Variants in HIPK2 observed in about 807,000 individuals in gnomAD.
HIPK2 encodes homeodomain-interacting protein kinase 2.
HIPK2 carries 27 observed loss-of-function variants against 113.7 expected under a neutral mutation model. That is an observed-to-expected ratio of 0.24 (90% CI 0.17 to 0.33). The LOEUF (loss-of-function observed/expected upper bound fraction) is 0.33. Among genes scored for constraint, HIPK2 ranks in the 10% least tolerant of loss-of-function variants. The pLI is 1.00. For synonymous variants in HIPK2, 631 were observed against 642.2 expected (o/e 0.98, Z 0.26); for missense variants, 1,257 against 1,588.0 (o/e 0.79, Z 3.54).
At chr7:139,697,535 T>C (rs1794599171) in intron 2 of HIPK2, among the ~76,000 whole-genome samples, 2 of 152,036 alleles carry the variant, frequency 1.3e-5, no homozygotes, top group African/African-American at 4.8e-5. Context: ...TGAATCTCAG[T>C]TCCTGGTAAA....
chr7:139,775,847 T>C (rs1375330582), intron 1 of HIPK2, among the ~76,000 whole-genome samples: 1 of 152,144 alleles, frequency 6.6e-6, no homozygotes, highest in Non-Finnish European at 1.5e-5. Context: ...GTTCCCAAGA[T>C]GGCTTTCCAC....
At chr7:139,742,377 A>G (rs6963499) in intron 1 of HIPK2, among the ~76,000 whole-genome samples, 9,905 of 152,314 alleles carry the variant, frequency 0.065, 1,067 homozygotes, top group African/African-American at 0.23. Context: ...GCTGGGTTAA[A>G]TCAAATAAAG....
intron 7 of HIPK2, 49 bp downstream of exon 7, chr7:139,620,352 G>A: frequency 1.9e-6 from 3 of 1,607,512 alleles, no homozygotes; most frequent in Non-Finnish European, 2.5e-6. Flanking sequence ...AAGTCCTGAG[G>A]CTCACACTGT....
chr7:139,692,504 T>C (rs1794435999), intron 2 of HIPK2, among the ~76,000 whole-genome samples: 1 of 152,336 alleles, frequency 6.6e-6, no homozygotes. Flanking sequence ...GTTCTTTTCC[T>C]GTGTACAGAG....
At position 139,620,461 on chromosome 7, in the gene HIPK2, G is replaced by A; in HGVS notation, c.1722C>T (p.Pro574=). 6.2e-7 allele frequency: 1 copy of A among 1,614,020 alleles called. No homozygotes were observed. The highest frequency in any genetic ancestry group is 2.2e-5 in the East Asian group (1 of 44,870). ...SKTPFITHVA[P]STSTNLTMTF... Reference sequence around the variant, plus strand: ...TCATGGTCAGGTTGGTGGACGTGCTGGGGGCCACGTGCGTGATGAAAGGGG... The same window carrying A: ...TCATGGTCAGGTTGGTGGACGTGCTAGGGGCCACGTGCGTGATGAAAGGGG... The change falls in exon 7 of 15, where the codon CCC becomes CCT. Residue 574 remains proline (P), a synonymous_variant. Transcript: ENST00000406875.
intron 1 of HIPK2, among the ~76,000 whole-genome samples, chr7:139,747,588 T>TAAA (rs1239401357): frequency 1.3e-5 from 2 of 152,246 alleles, no homozygotes; most frequent in African/African-American, 4.8e-5. Context: ...AGCATCTCTT[T>TAAA]AGTAAAGCAT....
intron 1 of HIPK2, among the ~76,000 whole-genome samples, chr7:139,760,195 G>A (rs1244455686): frequency 1.3e-5 from 2 of 151,900 alleles, no homozygotes; most frequent in African/African-American, 2.4e-5. Flanking sequence ...TAGTAGAGAC[G>A]GTGTTTCACC....
At chr7:139,632,677 G>A (rs1208947995) in intron 2 of HIPK2, among the ~76,000 whole-genome samples, 1 of 152,118 alleles carries the variant, frequency 6.6e-6, no homozygotes, top group Non-Finnish European at 1.5e-5. Flanking sequence ...AGACCACCCA[G>A]GTACATCTTC....
rs140504940 is a variant in HIPK2, at chr7:139,658,872, A to C, written c.1104-27147T>G. ...TAGTCTTTCTCAACCAGGGTTTTCT[A>C]TCTGAACTACAGAGCACAGAAAATG... On this transcript the variant is annotated intron_variant, in intron 2 of 14. Coordinates refer to ENST00000406875, the MANE Select transcript of HIPK2 (RefSeq NM_022740.5). 9.8e-5 allele frequency among the ~76,000 whole-genome samples: 15 copies of C among 152,342 alleles called. No homozygotes were observed. In the East Asian group the frequency reaches 2.9e-3, roughly 29 times the overall value.
intron 1 of HIPK2, among the ~76,000 whole-genome samples, chr7:139,736,644 G>C (rs1795946784): frequency 6.6e-6 from 1 of 152,182 alleles, no homozygotes; most frequent in African/African-American, 2.4e-5. Flanking sequence ...GTTGAAGCTG[G>C]GAGGATGCTA....
At chr7:139,575,869 T>A (rs1293324517) in intron 13 of HIPK2, among the ~76,000 whole-genome samples, 8 of 152,264 alleles carry the variant, frequency 5.3e-5, no homozygotes, top group Non-Finnish European at 1.5e-5. Flanking sequence ...CATGCTCTTT[T>A]GTCCTTCTGC....
chr7:139,604,305 TG>T, intron 9 of HIPK2, 82 bp from the exon 10 acceptor site: 1 of 1,530,760 alleles, frequency 6.5e-7, no homozygotes, highest in Middle Eastern at 1.8e-4. Flanking sequence ...ATTCTGTGCC[TG>T]GGGTTGTGCT....
In HIPK2 at chr7:139,572,948, G is replaced by A. The variant is rs1282829895; in HGVS notation, c.3576C>T (p.Val1192=). 5 of 1,288,810 alleles carry A rather than the reference G, an allele frequency of 3.9e-6. No individual in the cohort carries two copies. Among genetic ancestry groups the A allele is most frequent in the Non-Finnish European group, 4.1e-6 (4 of 977,470 alleles). The allele number at this position is 1,288,810 out of a possible 1,614,324, so 79.8% of individuals were successfully genotyped here. A position where few individuals can be genotyped will look rare whatever the true frequency, so the allele number is the denominator to read the frequency against. The change falls in exon 15 of 15, where the codon GTC becomes GTT. Residue 1192 remains valine, a synonymous_variant. Coordinates refer to ENST00000406875, the MANE Select transcript of HIPK2 (RefSeq NM_022740.5). The stretch of plus-strand genomic sequence containing the variant: ...GTGTTTATATGTAAGGGTACTGGTT[G>A]ACCTTGGCGGGGCTCAGTGGGTATC... ...YTGYPLSPAK[V]NQYPYI is the part of the protein sequence containing the mutation.
At chr7:139,674,063 C>CA (rs112116239) in intron 2 of HIPK2, among the ~76,000 whole-genome samples, 1,195 of 99,108 alleles carry the variant, frequency 0.012, 12 homozygotes, top group African/African-American at 0.027. Flanking sequence ...GAGACTGTCT[C>CA]AAAAAAAAAA....
At chr7:139,738,245 T>C (rs1795995338) in intron 1 of HIPK2, among the ~76,000 whole-genome samples, 1 of 152,258 alleles carries the variant, frequency 6.6e-6, no homozygotes, top group Admixed American at 6.5e-5. Flanking sequence ...CAGTGTTACA[T>C]TCTCTTCAGT....
At chr7:139,707,581 T>C (rs1794939716) in intron 2 of HIPK2, among the ~76,000 whole-genome samples, 1 of 152,314 alleles carries the variant, frequency 6.6e-6, no homozygotes, top group South Asian at 2.1e-4. Context: ...GAGACCAGGG[T>C]GGGCCAGGAC....
In HIPK2 at chr7:139,603,606, C is replaced by T. The variant is rs77389061; in HGVS notation, c.2255+475G>A. Among the ~76,000 whole-genome samples the T allele has an allele frequency of 3.7e-3, 557 of 152,314 alleles. 3 individuals carry two copies. Among genetic ancestry groups the T allele is most frequent in the Non-Finnish European group, 6.3e-3 (432 of 68,034 alleles). On this transcript the variant is annotated intron_variant, in intron 10 of 14. Transcript: ENST00000406875. Reference sequence around the variant, plus strand: ...TTTACCCTTCCAAATAAACCCCATTCTGTCAAGCCATCCCGTGGGAGGTCA... The same window carrying T: ...TTTACCCTTCCAAATAAACCCCATTTTGTCAAGCCATCCCGTGGGAGGTCA...
At chr7:139,574,086 G>A (rs776301192) in intron 14 of HIPK2, among the ~76,000 whole-genome samples, 7 of 152,232 alleles carry the variant, frequency 4.6e-5, no homozygotes, top group South Asian at 2.1e-4. Flanking sequence ...TTGGGCTCCC[G>A]AGAAGCTGGG....
Position 139,716,934 on chromosome 7 carries a change from T to C in HIPK2, c.101A>G (p.Glu34Gly). ...AFCSVKKLKIEPSSNWDMTGY... is the reference protein window; with the variant it reads ...AFCSVKKLKIGPSSNWDMTGY... Reference sequence around the variant, plus strand: ...AGTCATGTCCCAGTTGGAACTCGGCTCTATTTTCAGTTTCTTCACACTACA... The same window carrying C: ...AGTCATGTCCCAGTTGGAACTCGGCCCTATTTTCAGTTTCTTCACACTACA... Residue 34 changes from glutamate to glycine, a missense_variant, in exon 2 of 15, where the codon GAG (glutamate) becomes GGG (glycine). Around this residue, in one of 5 missense-constraint regions of HIPK2, gnomAD observed 209 missense variants for 237.8 expected, o/e 0.88. Coordinates refer to ENST00000406875, the MANE Select transcript of HIPK2 (RefSeq NM_022740.5). The surrounding 1 kb of genome is among the most constrained non-coding windows in gnomAD (Gnocchi z 9.3). 6.2e-7 allele frequency: 1 copy of C among 1,613,894 alleles called. No individual in the cohort carries two copies.
Sources: allele counts gnomAD v4.1 joint callset (sites outside exome capture counted in the v4.1 genomes callset), GRCh38; gene constraint gnomAD v4.1.1; regional missense constraint gnomAD v4.1.1; non-coding constraint Gnocchi (gnomAD v3.1); transcripts MANE v1.5; gene names NCBI Gene and HGNC (gene_info 2026-07-23, HGNC 2026-07-21).